The following ATF3 variants were observed in gnomAD, a reference collection of about 807,000 sequenced individuals.
ATF3 encodes cyclic AMP-dependent transcription factor ATF-3.
A neutral mutation model predicts 18.4 loss-of-function variants in ATF3; 10 were observed. The ratio of observed to expected loss-of-function variants is 0.54; its 90% CI spans 0.34 to 0.92. The LOEUF (loss-of-function observed/expected upper bound fraction) is 0.92, where lower values mean the gene tolerates loss of function less well. Ranked by LOEUF, ATF3 falls within the 40% of genes least tolerant of loss-of-function variation. ATF3 has a pLI of 0.02. For missense variants in ATF3, 183 were observed against 222.3 expected (o/e 0.82, Z 1.12); for synonymous variants, 78 against 87.9 (o/e 0.89, Z 0.63).
upstream of ATF3, among the ~76,000 whole-genome samples, chr1:212,605,327 T>C (rs1654590717): frequency 6.6e-6 from 1 of 152,208 alleles, no homozygotes; most frequent in Non-Finnish European, 1.5e-5. Flanking sequence ...TTTTGGACAC[T>C]ATTAAACTAG....
At chr1:212,591,728 C>A (rs1235011459) in intron 1 of ATF3, among the ~76,000 whole-genome samples, 4 of 152,164 alleles carry the variant, frequency 2.6e-5, no homozygotes, top group Non-Finnish European at 5.9e-5. Context: ...CCAGCTTTAA[C>A]GATTATCAAT....
At chr1:212,593,216 C>T (rs1005272708) in intron 1 of ATF3, among the ~76,000 whole-genome samples, 1 of 146,818 alleles carries the variant, frequency 6.8e-6, no homozygotes, top group African/African-American at 2.5e-5. Context: ...CGCATGTTCT[C>T]ACTCATAGGT....
At chr1:212,613,189 A>G (rs1416002895) in intron 1 of ATF3, among the ~76,000 whole-genome samples, 3 of 152,308 alleles carry the variant, frequency 2.0e-5, no homozygotes, top group East Asian at 3.9e-4. Context: ...GCACCGTGAC[A>G]TAAAGATTAG....
chr1:212,570,879 A>C (rs1664467550), intron 1 of ATF3, among the ~76,000 whole-genome samples: 1 of 152,228 alleles, frequency 6.6e-6, no homozygotes. Context: ...ATAGACACCT[A>C]GGCTGTCCCC....
chr1:212,585,973 A>G (rs1217373062), intron 1 of ATF3, among the ~76,000 whole-genome samples: 1 of 152,130 alleles, frequency 6.6e-6, no homozygotes, highest in Non-Finnish European at 1.5e-5. Context: ...GACCCAGGAT[A>G]TGTTGTGGTC....
At position 212,619,770 on chromosome 1, in the gene ATF3, C is replaced by A; in HGVS notation, c.*215C>A. On this transcript the variant is annotated 3_prime_UTR_variant, in exon 4 of 4. Coordinates refer to ENST00000341491, the MANE Select transcript of ATF3 (RefSeq NM_001674.4). This position sits in a 1 kb window ranked among gnomAD's most constrained non-coding sequence, Gnocchi z 4.4. ...CAGGGCAAGTGCATCTTTGCCTCAACTCCAGGATTTAGGCCTTAACACACT... is the reference window on the plus strand; with the variant it reads ...CAGGGCAAGTGCATCTTTGCCTCAAATCCAGGATTTAGGCCTTAACACACT... 1 of 551,478 alleles carries A rather than the reference C, an allele frequency of 1.8e-6. No homozygotes were observed. Among genetic ancestry groups the A allele is most frequent in the Non-Finnish European group, 3.2e-6 (1 of 317,202 alleles). 34.2% of individuals were successfully genotyped at this position (551,478 alleles called of 1,614,324 possible). A position where few individuals can be genotyped will look rare whatever the true frequency, so the allele number is the denominator to read the frequency against.
chr1:212,603,804 T>C (rs183009784), upstream of ATF3, among the ~76,000 whole-genome samples: 427 of 111,884 alleles, frequency 3.8e-3, no homozygotes, highest in Non-Finnish European at 4.8e-3. Context: ...GTGTGTGTTC[T>C]ATATAATCTT....
At position 212,583,214 on chromosome 1, in the gene ATF3, C is replaced by T. The variant is rs906090310; in HGVS notation, c.-5+17731C>T. Among the ~76,000 whole-genome samples, 8 of 152,038 alleles carry T rather than the reference C, an allele frequency of 5.3e-5. No homozygotes were observed. In the South Asian group the frequency reaches 1.2e-3, roughly 24 times the overall value. ...GCTTTTTAGCTGTGTGACTTTGTTA[C>T]CTAATTTCTCTCTCTGTTTTTTTTT... is the stretch of plus-strand genomic sequence containing the variant. On this transcript the variant is annotated intron_variant, in intron 1 of 3. Transcript: ENST00000366981.
intron 1 of ATF3, among the ~76,000 whole-genome samples, chr1:212,593,907 C>G (rs1222184183): frequency 6.6e-6 from 1 of 152,198 alleles, no homozygotes; most frequent in Non-Finnish European, 1.5e-5. Flanking sequence ...CCTGTTCAAT[C>G]TGTGATGTTG....
intron 1 of ATF3, among the ~76,000 whole-genome samples, chr1:212,586,921 T>C (rs948337634): frequency 6.6e-6 from 1 of 152,186 alleles, no homozygotes; most frequent in Non-Finnish European, 1.5e-5. Flanking sequence ...GAAAGTACAA[T>C]GAGCAGCTTC....
At position 212,618,283 on chromosome 1, in the gene ATF3, C is replaced by T; in HGVS notation, c.348+49C>T. On this transcript the variant is annotated intron_variant, in intron 3 of 3. Transcript: ENST00000341491. This position sits in a 1 kb window ranked among gnomAD's most constrained non-coding sequence, Gnocchi z 4.4. ...TTCCTCTCGCTCACGCCTGTCTTCA[C>T]CAGCTTCATGTGGCTATCAGAAGAA... is the stretch of plus-strand genomic sequence containing the variant. 1.3e-6 allele frequency: 2 copies of T among 1,565,516 alleles called. No homozygotes were observed.
chr1:212,618,492 A>C lies in ATF3; in HGVS notation c.348+258A>C. On this transcript the variant is annotated intron_variant, in intron 3 of 3. Transcript: ENST00000341491. This position sits in a 1 kb window ranked among gnomAD's most constrained non-coding sequence, Gnocchi z 4.4. ...GACTCCCAGCAGCCTCGGCCGGTTC[A>C]TACATGTCCATCAGCTTCCAGGCTG... 1 of 505,438 alleles carries C rather than the reference A, an allele frequency of 2.0e-6. No homozygotes were observed. Among genetic ancestry groups the C allele is most frequent in the Non-Finnish European group, 3.6e-6 (1 of 278,496 alleles). The allele number at this position is 505,438 out of a possible 1,614,324, so 31.3% of individuals were successfully genotyped here.
At position 212,598,471 on chromosome 1, in the gene ATF3, A is replaced by G. The variant is rs570504061; in HGVS notation, c.-4-16547A>G. 1.2e-3 allele frequency among the ~76,000 whole-genome samples: 189 copies of G among 152,350 alleles called. 9 individuals carry two copies. In the South Asian group the frequency reaches 0.037, roughly 30 times the overall value. ...CATTTATCCTTTGTATCTCAATCCA[A>G]TTATACTCTTCTAGTTATTTCTAAA... On this transcript the variant is annotated intron_variant, in intron 1 of 3. Transcript: ENST00000366981.
intron 1 of ATF3, among the ~76,000 whole-genome samples, chr1:212,611,743 A>T (rs1007814828): frequency 6.6e-6 from 1 of 152,226 alleles, no homozygotes; most frequent in African/African-American, 2.4e-5. Flanking sequence ...AGGAAATAAA[A>T]ATCTGGGAGC....
chr1:212,566,448 G>A (rs1047712103), intron 1 of ATF3, among the ~76,000 whole-genome samples: 1 of 152,200 alleles, frequency 6.6e-6, no homozygotes, highest in African/African-American at 2.4e-5. Context: ...CAGTGAGGAT[G>A]AAGCTGAGAG....
chr1:212,592,623 T>A (rs1664909091), intron 1 of ATF3, among the ~76,000 whole-genome samples: 1 of 152,076 alleles, frequency 6.6e-6, no homozygotes, highest in South Asian at 2.1e-4. Context: ...GCTGATTACA[T>A]CCTCAGCATT....
upstream of ATF3, among the ~76,000 whole-genome samples, chr1:212,606,086 A>C (rs529660833): frequency 1.3e-5 from 2 of 152,362 alleles, no homozygotes; most frequent in African/African-American, 4.8e-5. Flanking sequence ...GGGTAAAATA[A>C]GGATGCAAAG....
chr1:212,594,141 A>C (rs1664945149), intron 1 of ATF3, among the ~76,000 whole-genome samples: 1 of 152,086 alleles, frequency 6.6e-6, no homozygotes, highest in African/African-American at 2.4e-5. Context: ...GTGAAGTTAA[A>C]TTCTGTTTCC....
chr1:212,615,137 C>T lies in ATF3; in HGVS notation c.116C>T (p.Pro39Leu). The T allele has an allele frequency of 6.2e-7, 1 of 1,614,168 alleles. No homozygotes were observed. The highest frequency in any genetic ancestry group is 8.5e-7 in the Non-Finnish European group (1 of 1,180,036). ...LVFEDFANLTPFVKEELRFAI... is the reference protein window; with the variant it reads ...LVFEDFANLTLFVKEELRFAI... The stretch of plus-strand genomic sequence containing the variant: ...TTTGAGGATTTTGCTAACCTGACGC[C>T]CTTTGTCAAGGAAGAGCTGAGGTTT... Residue 39 changes from proline (P) to leucine (L), a missense_variant, in exon 2 of 4, where the codon CCC becomes CTC. By Grantham distance (98) the Pro-to-Leu change is moderately conservative (BLOSUM62 -3). Coordinates refer to ENST00000341491, the MANE Select transcript of ATF3 (RefSeq NM_001674.4).
Sources: gnomAD v4.1 joint callset for allele counts (sites outside exome capture counted in the v4.1 genomes callset) on GRCh38, gnomAD v4.1.1 for gene constraint, Gnocchi (gnomAD v3.1) non-coding constraint, MANE v1.5 for transcripts, NCBI Gene and HGNC (gene_info 2026-07-23, HGNC 2026-07-21) for gene names.